The following MRE11 variants were observed in gnomAD, a reference collection of about 807,000 sequenced individuals.
MRE11 encodes the protein double-strand break repair protein MRE11.
MRE11 carries 62 observed loss-of-function variants against 91.7 expected under a neutral mutation model. The ratio of observed to expected loss-of-function variants is 0.68; its 90% CI spans 0.55 to 0.84. The LOEUF (loss-of-function observed/expected upper bound fraction) is 0.84. Ranked by LOEUF, MRE11 falls within the 40% of genes least tolerant of loss-of-function variation. The probability of loss-of-function intolerance (pLI) is 0.00; values close to 1 mark genes in which losing one functional copy is unlikely to be tolerated. For missense variants in MRE11, 796 were observed against 852.9 expected (o/e 0.93, Z 0.83); for synonymous variants, 273 against 271.4 (o/e 1.01, Z -0.06).
rs538251523 is a variant in MRE11, at chr11:94,470,443, T to A, written c.1017+28A>T. ...TGAATAATTCTTCAACTAAAGTAGATCTCATTGACTTTATCAAAAAGAATT... is the reference window on the plus strand; with the variant it reads ...TGAATAATTCTTCAACTAAAGTAGAACTCATTGACTTTATCAAAAAGAATT... On this transcript the variant is annotated intron_variant, in intron 9 of 19. Coordinates refer to ENST00000323929, the MANE Select transcript of MRE11 (RefSeq NM_005591.4). 1.1e-5 allele frequency: 18 copies of A among 1,603,246 alleles called. No individual in the cohort carries two copies. The East Asian group carries it at 3.6e-4, about 32-fold the overall frequency.
intron 18 of MRE11, among the ~76,000 whole-genome samples, chr11:94,435,384 G>C (rs1474534175): frequency 6.6e-6 from 1 of 151,898 alleles, no homozygotes; most frequent in Non-Finnish European, 1.5e-5. Flanking sequence ...GCAAAACCCT[G>C]TGTCTACCAA....
intron 14 of MRE11, among the ~76,000 whole-genome samples, chr11:94,448,972 T>A (rs1392459546): frequency 1.3e-5 from 2 of 152,150 alleles, no homozygotes; most frequent in African/African-American, 4.8e-5. Context: ...ATATTTGACC[T>A]AGCTAAGGGA....
intron 14 of MRE11, among the ~76,000 whole-genome samples, chr11:94,449,052 A>G (rs954659736): frequency 2.6e-5 from 4 of 152,196 alleles, no homozygotes; most frequent in Non-Finnish European, 4.4e-5. Context: ...AGAAGACATG[A>G]TAACAGTCTC....
upstream of MRE11, among the ~76,000 whole-genome samples, chr11:94,494,582 G>A (rs1226448383): frequency 2.0e-5 from 3 of 152,108 alleles, no homozygotes; most frequent in Non-Finnish European, 2.9e-5. Context: ...TGCCCTTTAA[G>A]TTAGGAAACA....
rs145158453 is a variant in MRE11 at position 94,450,037 on chromosome 11, T to C, written c.1564-2599A>G. ...CCTCAACATGTTTAGTGTTCATTCC[T>C]ACATGCAAAAAGGCTGCAATATGAC... On this transcript the variant is annotated intron_variant, in intron 14 of 19. Coordinates refer to ENST00000323929, the MANE Select transcript of MRE11 (RefSeq NM_005591.4). 5.3e-5 allele frequency among the ~76,000 whole-genome samples: 8 copies of C among 152,316 alleles called. No individual in the cohort carries two copies. The East Asian group carries it at 1.5e-3, about 29-fold the overall frequency.
chr11:94,449,365 T>G (rs977808320), intron 14 of MRE11, among the ~76,000 whole-genome samples: 30 of 152,242 alleles, frequency 2.0e-4, no homozygotes, highest in African/African-American at 7.0e-4. Context: ...CTGTCCCACA[T>G]GAAATACAGT....
Position 94,475,975 on chromosome 11 carries a change from G to C in MRE11, c.659+314C>G, listed in dbSNP as rs13447624. On this transcript the variant is annotated intron_variant, in intron 7 of 19. Coordinates refer to ENST00000323929, the MANE Select transcript of MRE11 (RefSeq NM_005591.4). ...TTAATAATGCTTCCCTTTGGGATAG[G>C]GGGAAGCAGGTGGGATCAGGGAAAA... 6.6e-5 allele frequency among the ~76,000 whole-genome samples: 10 copies of C among 152,216 alleles called. No individual in the cohort carries two copies. The South Asian group carries it at 2.1e-3, about 32-fold the overall frequency.
intron 3 of MRE11, 75 bp from the exon 4 acceptor site, chr11:94,486,159 TA>T (rs199539992): frequency 2.0e-4 from 284 of 1,414,176 alleles, no homozygotes; most frequent in African/African-American, 4.8e-4. Context: ...ATGAAAGAGA[TA>T]AAAAAAAACT....
At chr11:94,486,713 T>G (rs1947150916) in intron 3 of MRE11, among the ~76,000 whole-genome samples, 2 of 152,190 alleles carry the variant, frequency 1.3e-5, no homozygotes, top group South Asian at 4.1e-4. Context: ...GACACTACGA[T>G]GAATTTGAAC....
chr11:94,461,009 A>AT lies in MRE11; in HGVS notation c.1252dup (p.Ile418AsnfsTer39), dbSNP rs1555009931. On this transcript the variant is annotated frameshift_variant, in exon 12 of 20. Coordinates refer to ENST00000323929, the MANE Select transcript of MRE11 (RefSeq NM_005591.4). LOFTEE classifies it high-confidence loss of function. ...AGTTGTTCCTTCTGAAGGCTTTGTG[A>AT]TAAGTTTCCCAAAGTTGATCTCTTC... 1 of 1,613,576 alleles carries AT rather than the reference A, an allele frequency of 6.2e-7. No homozygotes were observed. Among genetic ancestry groups the AT allele is most frequent in the Non-Finnish European group, 8.5e-7 (1 of 1,179,906 alleles).
chr11:94,489,043 C>A (rs1054375268), intron 3 of MRE11, among the ~76,000 whole-genome samples: 1 of 151,990 alleles, frequency 6.6e-6, no homozygotes, highest in South Asian at 2.1e-4. Context: ...ACAGCATGAA[C>A]AAACAAAAGA....
chr11:94,509,695 C>T, the MRE11 span, among the ~76,000 whole-genome samples: 69 of 152,346 alleles, frequency 4.5e-4, no homozygotes, highest in African/African-American at 1.6e-3. Flanking sequence ...TCGCCTCAGC[C>T]TCCCAAAGTG....
At chr11:94,488,615 T>C (rs757133066) in intron 3 of MRE11, among the ~76,000 whole-genome samples, 1 of 152,210 alleles carries the variant, frequency 6.6e-6, no homozygotes, top group Non-Finnish European at 1.5e-5. Flanking sequence ...TGGAATACTA[T>C]GCAGCTATTA....
chr11:94,498,740 G>C (rs564737938), upstream of MRE11: 267 of 567,178 alleles, frequency 4.7e-4, 8 homozygotes, highest in South Asian at 6.1e-3. Flanking sequence ...TGTGGAGTTT[G>C]TGATTTTTTT....
chr11:94,430,097 C>A lies in MRE11; in HGVS notation c.1995-111G>T, dbSNP rs104895013. 1.8e-3 allele frequency: 1,802 copies of A among 1,009,704 alleles called. 3 individuals are homozygous for A. Among genetic ancestry groups the A allele is most frequent in the Non-Finnish European group, 2.5e-3 (1,592 of 646,994 alleles). 62.5% of individuals were successfully genotyped at this position (1,009,704 alleles called of 1,614,324 possible). A position where few individuals can be genotyped will look rare whatever the true frequency, so the allele number is the denominator to read the frequency against. On this transcript the variant is annotated intron_variant, in intron 18 of 19. Coordinates refer to ENST00000323929, the MANE Select transcript of MRE11 (RefSeq NM_005591.4). Reference sequence around the variant, plus strand: ...AGCTGCCACGAATATAAATAACACACAATTCCCTTAAAATCTACATTAGCG... The same window carrying A: ...AGCTGCCACGAATATAAATAACACAAAATTCCCTTAAAATCTACATTAGCG...
At chr11:94,451,123 A>T (rs1000979909) in intron 14 of MRE11, among the ~76,000 whole-genome samples, 33 of 149,592 alleles carry the variant, frequency 2.2e-4, no homozygotes, top group Admixed American at 2.1e-3. Context: ...CGTCTATATA[A>T]AAAAAAAAAT....
chr11:94,464,288 A>G lies in MRE11; in HGVS notation c.1099-49T>C, dbSNP rs757828374. 9 of 1,612,050 alleles carry G rather than the reference A, an allele frequency of 5.6e-6. No individual in the cohort carries two copies. In the African/African-American group the frequency reaches 9.3e-5, roughly 17 times the overall value. On this transcript the variant is annotated intron_variant, in intron 10 of 19. Transcript: ENST00000323929. The stretch of plus-strand genomic sequence containing the variant: ...AACGCTAGGAAACAACAATTTGCCA[A>G]TTTTTAAAACACACACTAATCCTTC...
chr11:94,424,508 T>C (rs920361624), intron 19 of MRE11, among the ~76,000 whole-genome samples: 6 of 152,152 alleles, frequency 3.9e-5, no homozygotes, highest in Admixed American at 6.5e-5. Flanking sequence ...CTTAACCAGA[T>C]TGAAGTTACT....
intron 5 of MRE11, 63 bp from the exon 6 acceptor site, chr11:94,478,939 C>T (rs534763267): frequency 5.3e-4 from 807 of 1,536,884 alleles, no homozygotes; most frequent in Non-Finnish European, 6.5e-4. Flanking sequence ...GCATGAATAT[C>T]GTATCACCTG....
Sources: gnomAD v4.1 joint callset for allele counts (sites outside exome capture counted in the v4.1 genomes callset) on GRCh38, gnomAD v4.1.1 for gene constraint, MANE v1.5 for transcripts, NCBI Gene and HGNC (gene_info 2026-07-23, HGNC 2026-07-21) for gene names.